DDX42: variants seen among roughly 807,000 people sequenced by gnomAD.
DDX42 encodes ATP-dependent RNA helicase DDX42.
DDX42 carries 22 observed loss-of-function variants against 101.5 expected under a neutral mutation model. That is an observed-to-expected ratio of 0.22 (90% CI 0.15 to 0.31). The LOEUF is 0.31. DDX42 is among the 10% of genes least tolerant of loss of function. DDX42 has a pLI of 1.00. For synonymous variants in DDX42, 402 were observed against 401.2 expected, an observed-to-expected ratio of 1.00 and a Z score of -0.02; for missense variants, 849 against 1,199.9, an observed-to-expected ratio of 0.71 and a Z score of 4.32.
At chr17:63,811,216 T>G in intron 13 of DDX42, 43 bp downstream of exon 13, 1 of 1,389,760 alleles carries the variant, frequency 7.2e-7, no homozygotes, top group Non-Finnish European at 1.0e-6. Context: ...TGGGTTTATT[T>G]CTCATATTAT....
chr17:63,774,012 G>T (rs149873549), upstream of DDX42: 2,399 of 211,760 alleles, frequency 0.011, 304 homozygotes, highest in Non-Finnish European at 0.016. Context: ...CTTTCTAGAT[G>T]GGTCATGAAC....
chr17:63,817,655 TG>T, intron 17 of DDX42, 38 bp from the exon 18 acceptor site: 1 of 1,586,866 alleles, frequency 6.3e-7, no homozygotes, highest in Non-Finnish European at 8.6e-7. Context: ...TTCTTGAACT[TG>T]CTATCTTACC....
At chr17:63,780,449 G>T (rs2039474643) in intron 1 of DDX42, among the ~76,000 whole-genome samples, 1 of 152,164 alleles carries the variant, frequency 6.6e-6, no homozygotes, top group African/African-American at 2.4e-5. Context: ...TAAATACTGG[G>T]ATGAATTTTG....
At position 63,775,050 on chromosome 17, in the gene DDX42, G is replaced by A. The variant is rs1347114181; in HGVS notation, c.-17+674G>A. 2 of 152,608 alleles carry A rather than the reference G, an allele frequency of 1.3e-5. 1 individual carries two copies. The highest frequency in any genetic ancestry group is 4.8e-5 in the African/African-American group (2 of 41,436). The allele number at this position is 152,608 out of a possible 1,614,324, so 9.5% of individuals were successfully genotyped here. A position where few individuals can be genotyped will look rare whatever the true frequency, so the allele number is the denominator to read the frequency against. On this transcript the variant is annotated intron_variant, in intron 1 of 17. Transcript: ENST00000389924. ...TTATCCAATTTCTTGTGGCTTCCCTGTGTTTTCTTTTTGTCAATGATGTTT... is the reference window on the plus strand; with the variant it reads ...TTATCCAATTTCTTGTGGCTTCCCTATGTTTTCTTTTTGTCAATGATGTTT...
Position 63,810,957 on chromosome 17 carries a change from T to C in DDX42, c.1301-119T>C, listed in dbSNP as rs941768812. On this transcript the variant is annotated intron_variant, in intron 12 of 17. Transcript: ENST00000389924. ...CTAGTGAATCAGTTTCTAAACTAAA[T>C]TTAAAGTTCAGGTGAGCTTATGTAA... The C allele has an allele frequency of 4.0e-6, 3 of 756,634 alleles. No individual in the cohort carries two copies. The African/African-American group carries it at 5.3e-5, about 13-fold the overall frequency. The allele number at this position is 756,634 out of a possible 1,614,324, so 46.9% of individuals were successfully genotyped here.
At chr17:63,810,079 A>G (rs1228888080) in intron 11 of DDX42, among the ~76,000 whole-genome samples, 1 of 151,898 alleles carries the variant, frequency 6.6e-6, no homozygotes, top group Non-Finnish European at 1.5e-5. Context: ...TTTATGCTGA[A>G]TGATATGTTT....
chr17:63,805,595 A>G (rs2039828967), intron 7 of DDX42: 1 of 156,874 alleles, frequency 6.4e-6, no homozygotes, highest in African/African-American at 2.4e-5. Flanking sequence ...ACCTTTTAAA[A>G]ATATGCATGT....
chr17:63,774,207 T>TGGCGGTGGTGGCGGTGGCGGC lies in DDX42; in HGVS notation c.-174_-154dup, dbSNP rs1188150497. 9 of 244,760 alleles carry TGGCGGTGGTGGCGGTGGCGGC rather than the reference T, an allele frequency of 3.7e-5. No homozygotes were observed. Among genetic ancestry groups the TGGCGGTGGTGGCGGTGGCGGC allele is most frequent in the Admixed American group, 6.3e-5 (1 of 15,762 alleles). The allele number at this position is 244,760 out of a possible 1,614,324, so 15.2% of individuals were successfully genotyped here. On this transcript the variant is annotated 5_prime_UTR_variant, in exon 1 of 18. Coordinates refer to ENST00000389924, the MANE Select transcript of DDX42 (RefSeq NM_203499.3). ...CCTTCAGCAACGGGCCGTGAGGCGG[T>TGGCGGTGGTGGCGGTGGCGGC]GGCGGTGGTGGCGGTGGCGGCGGCG...
chr17:63,818,641 A>G lies in DDX42; in HGVS notation c.*243A>G, dbSNP rs1055713541. On this transcript the variant is annotated 3_prime_UTR_variant, in exon 18 of 18. Transcript: ENST00000389924. The stretch of plus-strand genomic sequence containing the variant: ...TTCTTTTGGCTCTAGGTGAGTTGTC[A>G]TGTGGGTAAGTTGAGGTTATCTTGG... 4 of 487,200 alleles carry G rather than the reference A, an allele frequency of 8.2e-6. No individual in the cohort carries two copies. The highest frequency in any genetic ancestry group is 6.9e-5 in the Admixed American group (2 of 29,144). The allele number at this position is 487,200 out of a possible 1,614,324, so 30.2% of individuals were successfully genotyped here.
chr17:63,803,179 A>G (rs2039794161), intron 6 of DDX42, among the ~76,000 whole-genome samples: 1 of 152,252 alleles, frequency 6.6e-6, no homozygotes, highest in African/African-American at 2.4e-5. Context: ...TACATGATAA[A>G]TAAATGGATT....
At chr17:63,812,603 T>C (rs1354692478) in intron 14 of DDX42, among the ~76,000 whole-genome samples, 1 of 152,208 alleles carries the variant, frequency 6.6e-6, no homozygotes, top group Non-Finnish European at 1.5e-5. Context: ...TTCTGTCAAG[T>C]TTTAATAACT....
At chr17:63,794,856 A>G (rs986631612) in intron 3 of DDX42, among the ~76,000 whole-genome samples, 3 of 151,636 alleles carry the variant, frequency 2.0e-5, no homozygotes, top group African/African-American at 7.3e-5. Context: ...GAATCGCTTG[A>G]ACCTGGGAGG....
At chr17:63,808,015 C>A (rs2039863263) in intron 9 of DDX42, 115 bp downstream of exon 9, 1 of 933,722 alleles carries the variant, frequency 1.1e-6, no homozygotes, top group Non-Finnish European at 1.6e-6. Flanking sequence ...AAGATACACA[C>A]AAAATTGATT....
At chr17:63,784,054 ACT>A (rs1301172092) in intron 1 of DDX42, among the ~76,000 whole-genome samples, 1 of 151,954 alleles carries the variant, frequency 6.6e-6, no homozygotes, top group African/African-American at 2.4e-5. Flanking sequence ...GCAGAGTGAA[ACT>A]CTGTCTCCCA....
At chr17:63,801,262 C>T (rs954948641) in intron 6 of DDX42, among the ~76,000 whole-genome samples, 17 of 152,102 alleles carry the variant, frequency 1.1e-4, no homozygotes, top group African/African-American at 4.1e-4. Context: ...GCCATGTTGG[C>T]CAGGCTGGTC....
At chr17:63,797,504 G>A (rs1221094359) in intron 3 of DDX42, among the ~76,000 whole-genome samples, 2 of 143,008 alleles carry the variant, frequency 1.4e-5, no homozygotes, top group African/African-American at 5.0e-5. Context: ...ATTATTTGTT[G>A]TGGGGCTTTC....
At chr17:63,792,687 G>C in intron 3 of DDX42, 125 bp downstream of exon 3, 3 of 1,035,032 alleles carry the variant, frequency 2.9e-6, no homozygotes, top group Non-Finnish European at 4.0e-6. Flanking sequence ...TGAGAATTTT[G>C]CTCCAGTAGT....
At chr17:63,790,997 A>G (rs1328705982) in intron 2 of DDX42, among the ~76,000 whole-genome samples, 2 of 152,226 alleles carry the variant, frequency 1.3e-5, no homozygotes, top group Non-Finnish European at 1.5e-5. Flanking sequence ...TCAGTGTTAC[A>G]TTAGTGTGTA....
chr17:63,778,686 G>T (rs1377009549), intron 1 of DDX42, among the ~76,000 whole-genome samples: 1 of 151,862 alleles, frequency 6.6e-6, no homozygotes. Flanking sequence ...TGTTATCCAG[G>T]CTGGAGTGCA....
Sources: allele counts gnomAD v4.1 joint callset (sites outside exome capture counted in the v4.1 genomes callset), GRCh38; gene constraint gnomAD v4.1.1; transcripts MANE v1.5; gene names NCBI Gene and HGNC (gene_info 2026-07-23, HGNC 2026-07-21).